PTGR2: variants seen among roughly 807,000 people sequenced by gnomAD.
The protein encoded by PTGR2 is 15-oxoprostaglandin 13-reductase.
Under a neutral mutation model 43.4 loss-of-function variants are expected in PTGR2, and 32 were observed. The observed-to-expected ratio is 0.74, with a 90% CI of 0.56 to 0.99. PTGR2 has a LOEUF of 0.99. Ranked by LOEUF, PTGR2 falls within the 50% of genes least tolerant of loss-of-function variation. PTGR2 has a pLI of 0.00. For synonymous variants in PTGR2, 106 were observed against 139.2 expected, an observed-to-expected ratio of 0.76 and a Z score of 1.68; for missense variants, 373 against 420.0, an observed-to-expected ratio of 0.89 and a Z score of 0.98.
chr14:73,860,784 CT>C, intron 3 of PTGR2, 127 bp downstream of exon 3: 5 of 556,834 alleles, frequency 9.0e-6, no homozygotes, highest in Non-Finnish European at 1.6e-5. Context: ...ATATTGATAC[CT>C]TTTAATTATA....
At position 73,877,024 on chromosome 14, in the gene PTGR2, C is replaced by A; in HGVS notation, c.375C>A (p.His125Gln). ...EKVDPQLVDG[H>Q]LSYFLGAIGM... ...TAGACCCACAACTTGTGGATGGACA[C>A]CTTTCATATTTTCTTGGAGCTATAG... Residue 125 changes from histidine to glutamine, a missense_variant, in exon 5 of 10, where the codon CAC becomes CAA. By Grantham distance (24) the His-to-Gln change is conservative. Transcript: ENST00000555661. The A allele has an allele frequency of 6.2e-7, 1 of 1,613,186 alleles. No homozygotes were observed. Among genetic ancestry groups the A allele is most frequent in the South Asian group, 1.1e-5 (1 of 91,022 alleles).
At chr14:73,853,555 T>C (rs964660282) in intron 1 of PTGR2, among the ~76,000 whole-genome samples, 1 of 152,140 alleles carries the variant, frequency 6.6e-6, no homozygotes, top group Non-Finnish European at 1.5e-5. Context: ...ACTCCTGACC[T>C]CAAGTGATCT....
chr14:73,857,779 C>T (rs923899878), intron 1 of PTGR2, among the ~76,000 whole-genome samples: 2 of 149,426 alleles, frequency 1.3e-5, no homozygotes, highest in Non-Finnish European at 3.0e-5. Context: ...CGCCATTCTC[C>T]TGCGTCAGCC....
intron 1 of PTGR2, among the ~76,000 whole-genome samples, chr14:73,852,381 C>G (rs1277452267): frequency 6.6e-6 from 1 of 152,080 alleles, no homozygotes; most frequent in Non-Finnish European, 1.5e-5. Flanking sequence ...CCTGCCTCAG[C>G]CTCCCGAGTA....
chr14:73,858,818 G>A lies in PTGR2; in HGVS notation c.-45G>A, dbSNP rs201685530. On this transcript the variant is annotated splice_region_variant and 5_prime_UTR_variant, in exon 2 of 10. Coordinates refer to ENST00000555661, the MANE Select transcript of PTGR2 (RefSeq NM_001146154.2). ...TTTAAAAATTTTTTTATTTATAGGA[G>A]TATTTTATACAGAAATCTTGTGAAA... 2 of 1,529,844 alleles carry A rather than the reference G, an allele frequency of 1.3e-6. No homozygotes were observed. The highest frequency in any genetic ancestry group is 1.4e-5 in the African/African-American group (1 of 72,498). The allele number at this position is 1,529,844 out of a possible 1,614,324, so 94.8% of individuals were successfully genotyped here.
At chr14:73,879,633 T>C (rs1453152001) in intron 6 of PTGR2, 2 of 223,552 alleles carry the variant, frequency 8.9e-6, no homozygotes, top group Non-Finnish European at 1.7e-5. Context: ...CTCACAGCCA[T>C]GGCCCCAGAC....
chr14:73,882,657 C>T lies in PTGR2; in HGVS notation c.979+219C>T, dbSNP rs375850279. 1.1e-4 allele frequency among the ~76,000 whole-genome samples: 16 copies of T among 151,360 alleles called. No homozygotes were observed. The East Asian group carries it at 1.7e-3, about 17-fold the overall frequency. ...CTGGGACTACAGGCGCCTGCCACCA[C>T]GCCTGGCTAATTTTTTGTATTTTTA... On this transcript the variant is annotated intron_variant, in intron 9 of 9. Coordinates refer to ENST00000555661, the MANE Select transcript of PTGR2 (RefSeq NM_001146154.2).
chr14:73,858,730 A>G (rs1241177100), intron 1 of PTGR2, 86 bp from the exon 2 acceptor site: 1 of 573,594 alleles, frequency 1.7e-6, no homozygotes, highest in Non-Finnish European at 2.8e-6. Flanking sequence ...CTCCCTCTTC[A>G]TTGGGAAACA....
rs542297541 is a variant in PTGR2, at chr14:73,875,555, A to G, written c.348+1341A>G. Among the ~76,000 whole-genome samples the G allele has an allele frequency of 8.2e-4, 124 of 151,238 alleles. 1 individual carries two copies. Among genetic ancestry groups the G allele is most frequent in the Admixed American group, 1.8e-3 (27 of 15,172 alleles). On this transcript the variant is annotated intron_variant, in intron 4 of 9. Transcript: ENST00000555661. Reference sequence around the variant, plus strand: ...GAGATGGGATTTCAGCATCTTGGCCAGGGTGGTGTTGAATGCCTGACCTCA... The same window carrying G: ...GAGATGGGATTTCAGCATCTTGGCCGGGGTGGTGTTGAATGCCTGACCTCA...
At chr14:73,855,058 G>A (rs1333828344) in intron 1 of PTGR2, among the ~76,000 whole-genome samples, 1 of 152,140 alleles carries the variant, frequency 6.6e-6, no homozygotes, top group Admixed American at 6.6e-5. Flanking sequence ...AACAAATCAA[G>A]GGCATGAAAT....
intron 3 of PTGR2, among the ~76,000 whole-genome samples, chr14:73,867,355 A>T (rs2054627080): frequency 6.6e-6 from 1 of 152,096 alleles, no homozygotes; most frequent in African/African-American, 2.4e-5. Context: ...CCAATACCTT[A>T]TAATAAATCT....
chr14:73,876,257 A>G (rs990755250), intron 4 of PTGR2, among the ~76,000 whole-genome samples: 11 of 152,198 alleles, frequency 7.2e-5, no homozygotes, highest in Admixed American at 7.2e-4. Flanking sequence ...ATGGACTGCC[A>G]TAACAGAGTA....
At chr14:73,857,877 G>A (rs2054397365) in intron 1 of PTGR2, among the ~76,000 whole-genome samples, 1 of 151,630 alleles carries the variant, frequency 6.6e-6, no homozygotes, top group Non-Finnish European at 1.5e-5. Flanking sequence ...CACCATGTTA[G>A]GCAGGATGGT....
At chr14:73,857,238 G>GGT (rs1555350260) in intron 1 of PTGR2, among the ~76,000 whole-genome samples, 4 of 144,522 alleles carry the variant, frequency 2.8e-5, no homozygotes, top group Non-Finnish European at 6.0e-5. Flanking sequence ...AGGAATTTCC[G>GGT]TTTTTTTTTT....
chr14:73,866,297 C>T (rs908523734), intron 3 of PTGR2, among the ~76,000 whole-genome samples: 4 of 152,102 alleles, frequency 2.6e-5, no homozygotes, highest in African/African-American at 9.7e-5. Context: ...AGCTACTATG[C>T]CTGAACAATT....
intron 3 of PTGR2, among the ~76,000 whole-genome samples, chr14:73,862,282 A>G (rs2054509025): frequency 6.6e-6 from 1 of 151,762 alleles, no homozygotes; most frequent in Non-Finnish European, 1.5e-5. Context: ...ATCTCGGCTC[A>G]CTGCAAGCTC....
At chr14:73,862,441 T>A (rs1286221766) in intron 3 of PTGR2, among the ~76,000 whole-genome samples, 5 of 152,106 alleles carry the variant, frequency 3.3e-5, no homozygotes, top group Admixed American at 3.3e-4. Context: ...TCTCCTGACC[T>A]CGTGATCCAC....
rs931235044 is a variant in PTGR2 at position 73,879,260 on chromosome 14, T to C, written c.684T>C (p.Tyr228=). The C allele has an allele frequency of 3.1e-6, 5 of 1,614,168 alleles. No individual in the cohort carries two copies. The highest frequency in any genetic ancestry group is 3.4e-6 in the Non-Finnish European group (4 of 1,180,024). The stretch of plus-strand genomic sequence containing the variant: ...CATGCCCAGCTGGAGTGGATGTTTA[T>C]TTTGACAATGTTGGTGGTAACATCA... ...RESCPAGVDV[Y]FDNVGGNISD... is the part of the protein sequence containing the mutation. The change falls in exon 6 of 10, where the codon TAT becomes TAC. Residue 228 remains tyrosine, a synonymous_variant. Coordinates refer to ENST00000555661, the MANE Select transcript of PTGR2 (RefSeq NM_001146154.2).
Position 73,857,664 on chromosome 14 carries a change from G to GTTTTTTTTTTTTTTTTT in PTGR2, c.-47-1146_-47-1130dup, listed in dbSNP as rs1213963564. 7.9e-4 allele frequency among the ~76,000 whole-genome samples: 51 copies of GTTTTTTTTTTTTTTTTT among 64,716 alleles called. 15 individuals carry two copies. Among genetic ancestry groups the GTTTTTTTTTTTTTTTTT allele is most frequent in the East Asian group, 3.2e-3 (6 of 1,862 alleles). The allele number at this position is 64,716 out of a possible 152,430, so 42.5% of individuals were successfully genotyped here. A position where few individuals can be genotyped will look rare whatever the true frequency, so the allele number is the denominator to read the frequency against. ...ATTACATGTCAATTAAGCAGTTAGT[G>GTTTTTTTTTTTTTTTTT]TTTTTTTTTTTTTTTTTTTTTTGAG... On this transcript the variant is annotated intron_variant, in intron 1 of 9. Transcript: ENST00000555661.
Sources: allele counts gnomAD v4.1 joint callset (sites outside exome capture counted in the v4.1 genomes callset), GRCh38; gene constraint gnomAD v4.1.1; transcripts MANE v1.5; gene names NCBI Gene and HGNC (gene_info 2026-07-23, HGNC 2026-07-21).